RUNX1: variants seen among roughly 807,000 people sequenced by gnomAD.
The protein encoded by RUNX1 is runt-related transcription factor 1.
A neutral mutation model predicts 42.8 loss-of-function variants in RUNX1; 19 were observed. The observed-to-expected ratio is 0.44, with a 90% CI of 0.31 to 0.65. The LOEUF is 0.65. Among genes scored for constraint, RUNX1 ranks in the 30% least tolerant of loss-of-function variants. The pLI is 0.07. For missense variants in RUNX1, 528 were observed against 672.0 expected (o/e 0.79, Z 2.37); for synonymous variants, 271 against 289.4 (o/e 0.94, Z 0.64).
At chr21:34,855,299 G>A (rs1346595507) in intron 6 of RUNX1, among the ~76,000 whole-genome samples, 1 of 152,130 alleles carries the variant, frequency 6.6e-6, no homozygotes, top group East Asian at 1.9e-4. Flanking sequence ...AATCTCTGTA[G>A]AGAAGATGCT....
intron 2 of RUNX1, among the ~76,000 whole-genome samples, chr21:34,908,155 G>A (rs1393262105): frequency 6.6e-6 from 1 of 152,084 alleles, no homozygotes; most frequent in Non-Finnish European, 1.5e-5. Flanking sequence ...TTTCCTGATT[G>A]CAATCACATA....
chr21:35,004,258 C>T (rs1159238908), intron 2 of RUNX1, among the ~76,000 whole-genome samples: 1 of 152,196 alleles, frequency 6.6e-6, no homozygotes, highest in African/African-American at 2.4e-5. Flanking sequence ...TGGTGACATT[C>T]CATGGGATGA....
intron 2 of RUNX1, among the ~76,000 whole-genome samples, chr21:35,035,359 C>A (rs1302313443): frequency 6.6e-6 from 1 of 152,100 alleles, no homozygotes; most frequent in Non-Finnish European, 1.5e-5. Flanking sequence ...ACAGGCTGCA[C>A]CTGTAAAACT....
At chr21:34,916,564 A>G (rs748691662) in intron 2 of RUNX1, among the ~76,000 whole-genome samples, 13 of 152,214 alleles carry the variant, frequency 8.5e-5, no homozygotes, top group Non-Finnish European at 1.9e-4. Flanking sequence ...AATGAGTTCC[A>G]TCTGAAAGGG....
intron 2 of RUNX1, among the ~76,000 whole-genome samples, chr21:34,993,644 G>C (rs1278522514): frequency 2.9e-4 from 10 of 34,128 alleles, no homozygotes; most frequent in Non-Finnish European, 1.8e-4. Flanking sequence ...GACACACACA[G>C]GCACACACAC....
intron 2 of RUNX1, among the ~76,000 whole-genome samples, chr21:35,001,098 G>A (rs528528622): frequency 1.3e-5 from 2 of 152,114 alleles, no homozygotes; most frequent in African/African-American, 2.4e-5. Flanking sequence ...ACCAGTCATC[G>A]ACTAATGCTG....
chr21:34,978,937 TAC>T (rs10673190), intron 2 of RUNX1, among the ~76,000 whole-genome samples: 1,651 of 134,118 alleles, frequency 0.012, 18 homozygotes, highest in Admixed American at 0.014. Flanking sequence ...CACACACAGA[TAC>T]ACACACACAC....
Position 35,049,175 on chromosome 21 carries a change from C to T in RUNX1, c.-67G>A, listed in dbSNP as rs886057048. The stretch of plus-strand genomic sequence containing the variant: ...TGGGTTGGTGATGCTCACCACGCTG[C>T]GAAACCCTGTGGTTTGCATTCAGTG... On this transcript the variant is annotated 5_prime_UTR_variant, in exon 1 of 9. Transcript: ENST00000675419. 5 of 466,000 alleles carry T rather than the reference C, an allele frequency of 1.1e-5. No individual in the cohort carries two copies. Among genetic ancestry groups the T allele is most frequent in the East Asian group, 7.8e-5 (2 of 25,734 alleles). The allele number at this position is 466,000 out of a possible 1,614,324, so 28.9% of individuals were successfully genotyped here.
chr21:34,789,169 AAC>A lies in RUNX1; in HGVS notation c.*2964_*2965del, dbSNP rs1210741460. The A allele has an allele frequency of 1.7e-5, 4 of 233,266 alleles. No individual in the cohort carries two copies. Among genetic ancestry groups the A allele is most frequent in the Non-Finnish European group, 3.4e-5 (4 of 118,154 alleles). 14.4% of individuals were successfully genotyped at this position (233,266 alleles called of 1,614,324 possible). A position where few individuals can be genotyped will look rare whatever the true frequency, so the allele number is the denominator to read the frequency against. On this transcript the variant is annotated 3_prime_UTR_variant, in exon 9 of 9. Coordinates refer to ENST00000675419, the MANE Select transcript of RUNX1 (RefSeq NM_001754.5). ...CCCATAAACAGGAGAAAGGCTGACA[AAC>A]CATGTTCCTTTATGTGAAGGGGGAA...
rs192902415 is a variant in RUNX1, at chr21:34,987,312, G to A, written c.58+61530C>T. On this transcript the variant is annotated intron_variant, in intron 2 of 8. Coordinates refer to ENST00000675419, the MANE Select transcript of RUNX1 (RefSeq NM_001754.5). ...GAACAGGAGCATGTAGCCAGTTGCT[G>A]AGGAAAGCCAGACATTTGAGGGGAG... 1.1e-3 allele frequency among the ~76,000 whole-genome samples: 168 copies of A among 152,326 alleles called. 3 individuals carry two copies. The South Asian group carries it at 0.023, about 21-fold the overall frequency.
rs2146235358 is a variant in RUNX1 at position 34,859,512 on chromosome 21, G to A, written c.575C>T (p.Ala192Val). Residue 192 changes from alanine to valine, a missense_variant, in exon 6 of 9, where the codon GCC (alanine) becomes GTC (valine). By Grantham distance (64) the Ala-to-Val change is moderately conservative. Transcript: ENST00000675419. The part of the protein sequence containing the change: ...NPPQVATYHR[A>V]IKITVDGPRE... ...GGGCCCATCCACTGTGATTTTGATG[G>A]CTCTGTGGTAGGTGGCGACTTGCGG... 1 of 1,614,028 alleles carries A rather than the reference G, an allele frequency of 6.2e-7. No individual in the cohort carries two copies. The highest frequency in any genetic ancestry group is 2.2e-5 in the East Asian group (1 of 44,890).
intron 2 of RUNX1, among the ~76,000 whole-genome samples, chr21:34,912,684 T>C (rs1012806503): frequency 5.3e-5 from 8 of 152,174 alleles, no homozygotes; most frequent in African/African-American, 1.2e-4. Context: ...TTCCTAGTCT[T>C]TGAGATGCAG....
rs150536357 is a variant in RUNX1 at position 34,940,627 on chromosome 21, C to A, written c.59-47664G>T. Among the ~76,000 whole-genome samples the A allele has an allele frequency of 3.0e-4, 46 of 152,278 alleles. No homozygotes were observed. In the East Asian group the frequency reaches 8.9e-3, roughly 29 times the overall value. ...CCTAAGTCAGAGTTGAGGGAAGAAA[C>A]AAGATCAGCTACATTGAGTTTTATT... On this transcript the variant is annotated intron_variant, in intron 2 of 8. Transcript: ENST00000675419.
intron 2 of RUNX1, chr21:35,038,687 G>C (rs1254689265): frequency 4.4e-6 from 2 of 455,430 alleles, no homozygotes; most frequent in Non-Finnish European, 8.8e-6. Context: ...TATTTCTCCT[G>C]AGAGGCCACT....
Position 35,003,911 on chromosome 21 carries a change from G to T in RUNX1, c.58+44931C>A, listed in dbSNP as rs180938214. 5.3e-3 allele frequency among the ~76,000 whole-genome samples: 800 copies of T among 152,196 alleles called. 4 individuals are homozygous for T. The highest frequency in any genetic ancestry group is 0.018 in the African/African-American group (751 of 41,528). On this transcript the variant is annotated intron_variant, in intron 2 of 8. Coordinates refer to ENST00000675419, the MANE Select transcript of RUNX1 (RefSeq NM_001754.5). ...AAACCATATTCTTTAGATTTATTTCGTTCAAATACACTCTTTAGCTAGAGC... is the reference window on the plus strand; with the variant it reads ...AAACCATATTCTTTAGATTTATTTCTTTCAAATACACTCTTTAGCTAGAGC...
rs2146414409 is a variant in RUNX1, at chr21:34,887,085, T to C, written c.109A>G (p.Ser37Gly). Residue 37 changes from serine (S) to glycine (G), a missense_variant, in exon 4 of 9, where the codon AGC becomes GGC. Physicochemically the swap from Ser to Gly is moderately conservative, Grantham distance 56. Transcript: ENST00000675419. ...GTGGAAGGCGGCGTGAAGCGGCGGC[T>C]CGTGCTGGCATCTACGGGGATACGC... ...PSRDVHDAST[S>G]RRFTPPSTAL... 1 of 1,598,352 alleles carries C rather than the reference T, an allele frequency of 6.3e-7. No homozygotes were observed. The highest frequency in any genetic ancestry group is 8.5e-7 in the Non-Finnish European group (1 of 1,179,830).
chr21:34,971,367 C>G (rs2058762337), intron 2 of RUNX1, among the ~76,000 whole-genome samples: 1 of 152,174 alleles, frequency 6.6e-6, no homozygotes, highest in African/African-American at 2.4e-5. Context: ...AAAGGCCAAA[C>G]ATTGAGAATT....
intron 3 of RUNX1, chr21:34,889,572 G>T: frequency 2.6e-6 from 2 of 768,028 alleles, no homozygotes; most frequent in Non-Finnish European, 3.3e-6. Context: ...CGCAGCAGCC[G>T]GACAGCCTGC....
rs774852514 is a variant in RUNX1, at chr21:34,886,861, G to A, written c.333C>T (p.Thr111=). 6.2e-7 allele frequency: 1 copy of A among 1,613,424 alleles called. No homozygotes were observed. Among genetic ancestry groups the A allele is most frequent in the Non-Finnish European group, 8.5e-7 (1 of 1,179,796 alleles). Residue 111 remains threonine, a synonymous_variant, in exon 4 of 9, where the codon ACC becomes ACT. Coordinates refer to ENST00000675419, the MANE Select transcript of RUNX1 (RefSeq NM_001754.5). ...CCAGTACCTTGAAAGCGATGGGCAG[G>A]GTCTTGTTGCAGCGCCAGTGCGTAG... is the stretch of plus-strand genomic sequence containing the variant. ...VLPTHWRCNK[T]LPIAFKVVAL...
Sources: gnomAD v4.1 joint callset for allele counts (sites outside exome capture counted in the v4.1 genomes callset) on GRCh38, gnomAD v4.1.1 for gene constraint, MANE v1.5 for transcripts, NCBI Gene and HGNC (gene_info 2026-07-23, HGNC 2026-07-21) for gene names.